Variants in RPS6KA6 observed in about 807,000 individuals in gnomAD.
The protein encoded by RPS6KA6 is ribosomal protein S6 kinase A6, also known as ribosomal protein S6 kinase alpha-6.
In RPS6KA6, 27 loss-of-function variants were observed where a neutral mutation model predicts 65.4. That is an observed-to-expected ratio of 0.41 (90% confidence interval 0.30 to 0.57). The LOEUF (loss-of-function observed/expected upper bound fraction) is 0.57, where lower values mean the gene tolerates loss of function less well. RPS6KA6 is among the 20% of genes least tolerant of loss of function. RPS6KA6 has a pLI of 0.24. For synonymous variants in RPS6KA6, 190 were observed against 184.2 expected (o/e 1.03, Z -0.26); for missense variants, 486 against 555.6 (o/e 0.87, Z 1.26).
At chrX:84,134,237 C>T (rs7891391) in intron 8 of RPS6KA6, among the ~76,000 whole-genome samples, 6,877 of 111,339 alleles carry the variant, frequency 0.062, 229 homozygotes, top group East Asian at 0.21. Context: ...CATTCCCCTT[C>T]TGAAGGACAT....
chrX:84,107,698 G>A lies in RPS6KA6; in HGVS notation c.1036C>T (p.Pro346Ser), dbSNP rs765793647. ...GGTTTTCCAGAAGCAGGTTTGAAAG[G>A]AGGTTGAACTTCTCTTTTATATAAT... ...DKLYKREVQP[P>S]FKPASGKPDD... The change falls in exon 13 of 22, where the codon CCT becomes TCT. Residue 346 changes from proline to serine, a missense_variant. Physicochemically the swap from Pro to Ser is moderately conservative, Grantham distance 74. Transcript: ENST00000262752. 8.5e-7 allele frequency: 1 copy of A among 1,182,442 alleles called. No individual in the cohort carries two copies. The highest frequency in any genetic ancestry group is 3.0e-5 in the East Asian group (1 of 33,569).
intron 9 of RPS6KA6, among the ~76,000 whole-genome samples, chrX:84,117,923 G>A (rs1239790500): frequency 9.1e-6 from 1 of 110,460 alleles, no homozygotes; most frequent in African/African-American, 3.3e-5. Flanking sequence ...AGAAGTAGAA[G>A]CAGCAGAACA....
At chrX:84,095,675 A>T (rs1602400655) in intron 20 of RPS6KA6, among the ~76,000 whole-genome samples, 1 of 112,221 alleles carries the variant, frequency 8.9e-6, no homozygotes, top group East Asian at 2.8e-4. Context: ...CACTTAAAAA[A>T]TTTAATGTGG....
chrX:84,062,842 G>A lies in RPS6KA6; in HGVS notation c.*1435C>T, dbSNP rs941139009. On this transcript the variant is annotated 3_prime_UTR_variant, in exon 22 of 22. Coordinates refer to ENST00000262752, the MANE Select transcript of RPS6KA6 (RefSeq NM_014496.5). ...ACATAGCAAATAGTACACCTAACAC[G>A]CACAAGTAGTTCACTTATATTCACT... The A allele has an allele frequency of 9.0e-6, 1 of 110,623 alleles. No individual in the cohort carries two copies. Among genetic ancestry groups the A allele is most frequent in the Non-Finnish European group, 1.9e-5 (1 of 52,786 alleles). 9.1% of individuals were successfully genotyped at this position (110,623 alleles called of 1,213,427 possible). A position where few individuals can be genotyped will look rare whatever the true frequency, so the allele number is the denominator to read the frequency against.
intron 18 of RPS6KA6, among the ~76,000 whole-genome samples, chrX:84,099,054 C>G (rs1486046980): frequency 9.0e-6 from 1 of 110,984 alleles, no homozygotes; most frequent in African/African-American, 3.3e-5. Context: ...TTCCCTGATT[C>G]CCTTAGGAAG....
At chrX:84,170,512 C>G (rs1177992364) in intron 1 of RPS6KA6, among the ~76,000 whole-genome samples, 9 of 110,518 alleles carry the variant, frequency 8.1e-5, no homozygotes, top group Non-Finnish European at 1.7e-4. Context: ...CACTTGTAAT[C>G]CCAGCTACTG....
chrX:84,166,993 TAC>T (rs1197798491), intron 1 of RPS6KA6, among the ~76,000 whole-genome samples: 1 of 110,756 alleles, frequency 9.0e-6, no homozygotes, highest in African/African-American at 3.3e-5. Flanking sequence ...AAAAAAAAAT[TAC>T]AGTTTCAAGA....
chrX:84,109,380 C>CA (rs932252583), intron 12 of RPS6KA6, among the ~76,000 whole-genome samples: 1 of 111,026 alleles, frequency 9.0e-6, no homozygotes, highest in Non-Finnish European at 1.9e-5. Context: ...GCCCAGACCC[C>CA]AAAGCATGTG....
intron 20 of RPS6KA6, among the ~76,000 whole-genome samples, chrX:84,075,099 G>A (rs1352133087): frequency 9.0e-6 from 1 of 110,810 alleles, no homozygotes; most frequent in Non-Finnish European, 1.9e-5. Flanking sequence ...TGGGCGTGGT[G>A]GTGCACCCCT....
chrX:84,185,304 G>A (rs951570176), intron 1 of RPS6KA6, among the ~76,000 whole-genome samples: 2 of 111,217 alleles, frequency 1.8e-5, no homozygotes, highest in Admixed American at 1.9e-4. Context: ...AAGATTCCAG[G>A]TTTCCCCTTT....
chrX:84,071,975 G>A (rs1277300754), intron 20 of RPS6KA6, among the ~76,000 whole-genome samples: 1 of 111,816 alleles, frequency 8.9e-6, no homozygotes, highest in Admixed American at 9.5e-5. Context: ...CCCATCATCT[G>A]ATGCCTTCAC....
At chrX:84,172,270 T>G (rs746177153) in intron 1 of RPS6KA6, among the ~76,000 whole-genome samples, 1 of 111,963 alleles carries the variant, frequency 8.9e-6, no homozygotes, top group Non-Finnish European at 1.9e-5. Flanking sequence ...ATGGGATTGC[T>G]AGATCAAATG....
chrX:84,175,808 A>G (rs950436836), intron 1 of RPS6KA6, among the ~76,000 whole-genome samples: 1 of 111,710 alleles, frequency 9.0e-6, no homozygotes, highest in African/African-American at 3.2e-5. Flanking sequence ...TTATGGAAAA[A>G]TGCGTAAATA....
chrX:84,069,139 C>T lies in RPS6KA6; in HGVS notation c.1972-4028G>A, dbSNP rs748566081. 2.4e-3 allele frequency among the ~76,000 whole-genome samples: 273 copies of T among 112,105 alleles called. 2 individuals are homozygous for T. The highest frequency in any genetic ancestry group is 9.2e-3 in the Middle Eastern group (2 of 217). On this transcript the variant is annotated intron_variant, in intron 20 of 21. Coordinates refer to ENST00000262752, the MANE Select transcript of RPS6KA6 (RefSeq NM_014496.5). ...TAAGCATAAAGAATAAATCTGGAGG[C>T]ATCATGCTACCTGACTTCAAACTAT...
intron 1 of RPS6KA6, chrX:84,187,577 C>G: frequency 3.2e-6 from 1 of 310,070 alleles, no homozygotes. Context: ...TGGCGTGGCC[C>G]GCCAGGCAGG....
intron 12 of RPS6KA6, among the ~76,000 whole-genome samples, chrX:84,113,585 C>T (rs146356997): frequency 0.017 from 1,890 of 111,542 alleles, 113 homozygotes; most frequent in Admixed American, 0.17. Context: ...TCAATAGATG[C>T]GGAAAAAGCA....
chrX:84,165,916 G>A (rs2035590933), intron 1 of RPS6KA6, among the ~76,000 whole-genome samples: 1 of 111,616 alleles, frequency 9.0e-6, no homozygotes, highest in South Asian at 3.7e-4. Context: ...AGGGCCCATG[G>A]GAATTGAAGA....
At chrX:84,154,546 G>T (rs1376249361) in intron 3 of RPS6KA6, among the ~76,000 whole-genome samples, 2 of 111,060 alleles carry the variant, frequency 1.8e-5, no homozygotes, top group Non-Finnish European at 3.8e-5. Flanking sequence ...TAGCTATAAA[G>T]TGCAAAATAG....
chrX:84,138,187 T>A, intron 6 of RPS6KA6, among the ~76,000 whole-genome samples: 1 of 112,175 alleles, frequency 8.9e-6, no homozygotes, highest in East Asian at 2.8e-4. Context: ...TCCTTTATCA[T>A]AATGATATAG....
Sources: allele counts gnomAD v4.1 joint callset (sites outside exome capture counted in the v4.1 genomes callset), GRCh38; gene constraint gnomAD v4.1.1; transcripts MANE v1.5; gene names NCBI Gene and HGNC (gene_info 2026-07-23, HGNC 2026-07-21).